UBAP2: variants seen among roughly 807,000 people sequenced by gnomAD.
UBAP2 encodes the protein ubiquitin-associated protein 2.
In UBAP2, 75 loss-of-function variants were observed where a neutral mutation model predicts 139.6. The ratio of observed to expected loss-of-function variants is 0.54; its 90% CI spans 0.45 to 0.65. The LOEUF (loss-of-function observed/expected upper bound fraction) is 0.65, where lower values mean the gene tolerates loss of function less well. Among genes scored for constraint, UBAP2 ranks in the 30% least tolerant of loss-of-function variants. The pLI is 0.00. For missense variants in UBAP2, 1,368 were observed against 1,369.6 expected (o/e 1.00, Z 0.02); for synonymous variants, 526 against 526.2 (o/e 1.00, Z 0.01).
chr9:34,038,740 G>A (rs1259621137), intron 1 of UBAP2, among the ~76,000 whole-genome samples: 5 of 151,912 alleles, frequency 3.3e-5, no homozygotes, highest in African/African-American at 1.2e-4. Context: ...CTGCCTGGCC[G>A]CCCATCGTCT....
intron 1 of UBAP2, among the ~76,000 whole-genome samples, chr9:34,034,389 C>T (rs1332417416): frequency 6.6e-6 from 1 of 152,076 alleles, no homozygotes; most frequent in Non-Finnish European, 1.5e-5. Flanking sequence ...ATCACTCATG[C>T]CAAAAGCAAC....
intron 10 of UBAP2, among the ~76,000 whole-genome samples, chr9:33,960,420 T>C (rs1020637648): frequency 6.6e-6 from 1 of 152,116 alleles, no homozygotes; most frequent in African/African-American, 2.4e-5. Context: ...GAAGCCAAGA[T>C]GAGATAAGAT....
At chr9:33,954,761 C>T (rs1298076793) in intron 11 of UBAP2, among the ~76,000 whole-genome samples, 1 of 152,120 alleles carries the variant, frequency 6.6e-6, no homozygotes, top group African/African-American at 2.4e-5. Context: ...ACAACAAACT[C>T]CAAACAATCT....
At chr9:33,995,494 A>AAT (rs201457619) in intron 4 of UBAP2, 60 of 134,668 alleles carry the variant, frequency 4.5e-4, no homozygotes, top group African/African-American at 1.5e-3. Flanking sequence ...TATATTATTA[A>AAT]ATATATATAT....
intron 2 of UBAP2, among the ~76,000 whole-genome samples, chr9:34,014,280 T>C (rs560880702): frequency 3.8e-4 from 47 of 123,402 alleles, no homozygotes; most frequent in African/African-American, 1.3e-3. Flanking sequence ...TGAGCCAAGA[T>C]AGAGTAACTG....
intron 13 of UBAP2, among the ~76,000 whole-genome samples, chr9:33,947,517 T>A (rs1044449719): frequency 1.3e-5 from 2 of 151,762 alleles, no homozygotes; most frequent in African/African-American, 4.8e-5. Context: ...AGCATGAGAG[T>A]GTGATAGTTA....
intron 6 of UBAP2, among the ~76,000 whole-genome samples, chr9:33,980,399 T>A (rs1005086932): frequency 6.3e-5 from 9 of 143,054 alleles, no homozygotes; most frequent in African/African-American, 2.3e-4. Flanking sequence ...CACCAGCTAA[T>A]CTTTTTTTGT....
Position 33,926,668 on chromosome 9 carries a change from T to TGTGAGAAC in UBAP2, c.2464-12_2464-5dup. ...GGAGCTCGTCATAGCCATAGATCTGTGTGAGAACCAGAAAGTGTATTTTAG... is the reference window on the plus strand; with the variant it reads ...GGAGCTCGTCATAGCCATAGATCTGTGTGAGAACGTGAGAACCAGAAAGTGTATTTTAG... On this transcript the variant is annotated splice_polypyrimidine_tract_variant and splice_region_variant and intron_variant, in intron 21 of 28. Transcript: ENST00000379238. The TGTGAGAAC allele has an allele frequency of 1.9e-6, 3 of 1,614,166 alleles. No individual in the cohort carries two copies. The highest frequency in any genetic ancestry group is 2.5e-6 in the Non-Finnish European group (3 of 1,180,016).
At chr9:34,040,601 G>C (rs1014148764) in intron 1 of UBAP2, among the ~76,000 whole-genome samples, 2 of 152,088 alleles carry the variant, frequency 1.3e-5, no homozygotes, top group African/African-American at 2.4e-5. Context: ...AAGTTAGCAA[G>C]TTGCTAACTT....
intron 17 of UBAP2, 142 bp downstream of exon 17, chr9:33,935,697 G>T (rs751663636): frequency 6.7e-6 from 6 of 891,324 alleles, no homozygotes; most frequent in Non-Finnish European, 1.1e-5. Flanking sequence ...CCAACACCTG[G>T]TCCAAAAACA....
Position 33,928,007 on chromosome 9 carries a change from G to A in UBAP2, c.2176-15C>T. ...ACACTGGCATGCTGGCAAAAGAAAA[G>A]CCAGGACACATGGATCTGGAGGCAG... On this transcript the variant is annotated splice_polypyrimidine_tract_variant and intron_variant, in intron 19 of 28. Coordinates refer to ENST00000379238, the MANE Select transcript of UBAP2 (RefSeq NM_001370062.2). 6.9e-6 allele frequency: 11 copies of A among 1,603,566 alleles called. No homozygotes were observed. Among genetic ancestry groups the A allele is most frequent in the Admixed American group, 1.7e-5 (1 of 59,052 alleles).
In UBAP2 at chr9:33,979,006, GGGA is replaced by G. The variant is rs1405237165; in HGVS notation, c.521-5772_521-5770del. Reference sequence around the variant, plus strand: ...TAATCCCTCTGCTTTAGGAGGCCAAGGGAGGAGGACTGCTTGGAGCCAGGAGTT... The same window carrying G: ...TAATCCCTCTGCTTTAGGAGGCCAAGGGAGGACTGCTTGGAGCCAGGAGTT... On this transcript the variant is annotated intron_variant, in intron 6 of 28. Coordinates refer to ENST00000379238, the MANE Select transcript of UBAP2 (RefSeq NM_001370062.2). Among the ~76,000 whole-genome samples the G allele has an allele frequency of 2.0e-5, 3 of 152,218 alleles. No homozygotes were observed. In the East Asian group the frequency reaches 5.8e-4, roughly 29 times the overall value.
rs569024654 is a variant in UBAP2 at position 33,937,643 on chromosome 9, C to T, written c.1930-1765G>A. On this transcript the variant is annotated intron_variant, in intron 16 of 28. Coordinates refer to ENST00000379238, the MANE Select transcript of UBAP2 (RefSeq NM_001370062.2). ...AAAAATTAAGCTGGGCACAATGGCT[C>T]ATGCCTGTAATCCTGGCACGTTGGG... Among the ~76,000 whole-genome samples the T allele has an allele frequency of 3.4e-5, 5 of 147,764 alleles. No individual in the cohort carries two copies. The South Asian group carries it at 1.1e-3, about 32-fold the overall frequency.
chr9:34,047,472 T>C (rs1349932889), intron 1 of UBAP2, among the ~76,000 whole-genome samples: 1 of 148,182 alleles, frequency 6.7e-6, no homozygotes, highest in East Asian at 1.9e-4. Flanking sequence ...AGAGCTTAGG[T>C]ATCATGTTCA....
At position 33,953,375 on chromosome 9, in the gene UBAP2, G is replaced by A; in HGVS notation, c.966C>T (p.Ala322=). 6.2e-7 allele frequency: 1 copy of A among 1,614,154 alleles called. No individual in the cohort carries two copies. The highest frequency in any genetic ancestry group is 1.1e-5 in the South Asian group (1 of 91,074). ...TGTGTTGCGAATTTGTGAAGACAAG[G>A]GCTTGGCCAAAGCCCTGCTGTTGGG... The part of the protein sequence containing the change: ...ETSQQQGFGQ[A]LVFTNSQHNN... Residue 322 remains alanine (A), a synonymous_variant, in exon 12 of 29, where the codon GCC becomes GCT. Coordinates refer to ENST00000379238, the MANE Select transcript of UBAP2 (RefSeq NM_001370062.2).
At chr9:34,038,173 G>A (rs973785824) in intron 1 of UBAP2, among the ~76,000 whole-genome samples, 2 of 147,212 alleles carry the variant, frequency 1.4e-5, no homozygotes, top group South Asian at 2.1e-4. Context: ...AAAAAAGGTC[G>A]GGCGCGGTGG....
intron 1 of UBAP2, among the ~76,000 whole-genome samples, chr9:34,018,052 G>A (rs978773291): frequency 7.2e-5 from 11 of 152,026 alleles, no homozygotes; most frequent in Admixed American, 6.6e-4. Context: ...GCTGGGCACG[G>A]TGGCATGCAC....
At chr9:33,927,601 C>A (rs1015100426) in intron 20 of UBAP2, among the ~76,000 whole-genome samples, 196 bp downstream of exon 20, 1 of 152,302 alleles carries the variant, frequency 6.6e-6, no homozygotes, top group South Asian at 2.1e-4. Flanking sequence ...GCTAGAAGCA[C>A]GCAGAGGCCA....
rs908552454 is a variant in UBAP2 at position 33,965,954 on chromosome 9, G to A, written c.680-2163C>T. On this transcript the variant is annotated intron_variant, in intron 8 of 28. Coordinates refer to ENST00000379238, the MANE Select transcript of UBAP2 (RefSeq NM_001370062.2). ...GTCCCAGGCACTTGGGGAGGCTGAG[G>A]CAGGAGAATGGCGTGAACCCGGGAG... is the stretch of plus-strand genomic sequence containing the variant. 3.9e-5 allele frequency among the ~76,000 whole-genome samples: 6 copies of A among 151,922 alleles called. No individual in the cohort carries two copies. The South Asian group carries it at 6.2e-4, about 16-fold the overall frequency.
Sources: gnomAD v4.1 joint callset for allele counts (sites outside exome capture counted in the v4.1 genomes callset) on GRCh38, gnomAD v4.1.1 for gene constraint, MANE v1.5 for transcripts, NCBI Gene and HGNC (gene_info 2026-07-23, HGNC 2026-07-21) for gene names.